The following SLK variants were observed in gnomAD, a reference collection of about 807,000 sequenced individuals.
The protein encoded by SLK is STE20 like kinase, also known as STE20-like serine/threonine-protein kinase.
Under a neutral mutation model 147.7 loss-of-function variants are expected in SLK, and 67 were observed. The ratio of observed to expected loss-of-function variants is 0.45; its 90% CI spans 0.37 to 0.56. The LOEUF (loss-of-function observed/expected upper bound fraction) is 0.56. Among genes scored for constraint, SLK ranks in the 20% least tolerant of loss-of-function variants. SLK has a pLI of 0.00. For synonymous variants in SLK, 441 were observed against 475.0 expected (o/e 0.93, Z 0.93); for missense variants, 1,136 against 1,438.8 (o/e 0.79, Z 3.41).
chr10:104,009,852 T>G (rs2134512044), intron 12 of SLK, among the ~76,000 whole-genome samples: 1 of 152,124 alleles, frequency 6.6e-6, no homozygotes, highest in East Asian at 1.9e-4. Flanking sequence ...TGATTTGGTT[T>G]CATGAGGGAT....
At chr10:103,983,322 G>A (rs1284329245) in intron 1 of SLK, among the ~76,000 whole-genome samples, 6 of 152,060 alleles carry the variant, frequency 3.9e-5, no homozygotes, top group African/African-American at 1.4e-4. Context: ...CCTTCAGTGC[G>A]GTTTCCTCTC....
At chr10:104,010,554 T>G (rs1462603790) in intron 12 of SLK, among the ~76,000 whole-genome samples, 1 of 152,212 alleles carries the variant, frequency 6.6e-6, no homozygotes, top group African/African-American at 2.4e-5. Flanking sequence ...CTGGTTGTCT[T>G]TGGACCTTTA....
intron 1 of SLK, among the ~76,000 whole-genome samples, chr10:103,973,601 C>A (rs1843822393): frequency 6.6e-6 from 1 of 152,156 alleles, no homozygotes; most frequent in African/African-American, 2.4e-5. Context: ...ATTGAGTCTT[C>A]CCACCTGTGC....
At position 103,967,693 on chromosome 10, in the gene SLK, C is replaced by G. The variant is rs2134432098; in HGVS notation, c.-53C>G. The G allele has an allele frequency of 6.4e-7, 1 of 1,564,572 alleles. No homozygotes were observed. Among genetic ancestry groups the G allele is most frequent in the African/African-American group, 1.4e-5 (1 of 72,836 alleles). ...GGGAGAGCAGGGAAGAGAAACTTTG[C>G]CTTTTATTGTTTTTAGTCCTTAAGT... is the stretch of plus-strand genomic sequence containing the variant. On this transcript the variant is annotated 5_prime_UTR_variant, in exon 1 of 19. Transcript: ENST00000369755.
intron 9 of SLK, among the ~76,000 whole-genome samples, chr10:104,003,870 T>C (rs938660813): frequency 6.6e-6 from 1 of 152,330 alleles, no homozygotes; most frequent in Non-Finnish European, 1.5e-5. Context: ...AATGATGTCT[T>C]TTTAAGCACA....
Position 104,003,240 on chromosome 10 carries a change from G to A in SLK, c.2062G>A (p.Val688Met). 1 of 1,612,384 alleles carries A rather than the reference G, an allele frequency of 6.2e-7. No individual in the cohort carries two copies. The highest frequency in any genetic ancestry group is 1.3e-5 in the African/African-American group (1 of 74,742). ...AGATAAAGAGAAAAAAGAAATTCCAGTGTCAATTAAAAAAGAGCCTGAAGT... is the reference window on the plus strand; with the variant it reads ...AGATAAAGAGAAAAAAGAAATTCCAATGTCAATTAAAAAAGAGCCTGAAGT... Reference protein sequence around the residue: ...QIDKEKKEIPVSIKKEPEVTV... With the variant: ...QIDKEKKEIPMSIKKEPEVTV... The change falls in exon 9 of 19, where the codon GTG becomes ATG. Residue 688 changes from valine (V) to methionine (M), a missense_variant. Val to Met is a conservative substitution (Grantham distance 21). Coordinates refer to ENST00000369755, the MANE Select transcript of SLK (RefSeq NM_014720.4).
intron 12 of SLK, 74 bp from the exon 13 acceptor site, chr10:104,010,742 C>A: frequency 1.1e-6 from 1 of 897,338 alleles, no homozygotes; most frequent in Non-Finnish European, 1.6e-6. Flanking sequence ...TGACTTGTAG[C>A]TTATCTGCTC....
In SLK at chr10:104,002,889, A is replaced by G. The variant is rs1279180989; in HGVS notation, c.1711A>G (p.Ser571Gly). 4 of 1,614,036 alleles carry G rather than the reference A, an allele frequency of 2.5e-6. No homozygotes were observed. Among genetic ancestry groups the G allele is most frequent in the Non-Finnish European group, 3.4e-6 (4 of 1,180,012 alleles). Residue 571 changes from serine to glycine, a missense_variant, in exon 9 of 19, where the codon AGT becomes GGT. Around this residue, in one of 6 missense-constraint regions of SLK, gnomAD observed 516 missense variants for 531.3 expected, o/e 0.97. Transcript: ENST00000369755. ...VDEDSAEDTQ[S>G]NDGKEVVEVG... The stretch of plus-strand genomic sequence containing the variant: ...TGAAGACAGTGCTGAGGATACGCAG[A>G]GTAATGATGGGAAAGAAGTGGTCGA...
At chr10:104,008,469 A>G in intron 12 of SLK, 113 bp downstream of exon 12, 2 of 690,256 alleles carry the variant, frequency 2.9e-6, no homozygotes, top group Non-Finnish European at 4.8e-6. Flanking sequence ...AATAGCACCT[A>G]TTCATTCTTT....
Position 104,003,193 on chromosome 10 carries a change from C to T in SLK, c.2015C>T (p.Ala672Val). 6.2e-7 allele frequency: 1 copy of T among 1,613,796 alleles called. No homozygotes were observed. The highest frequency in any genetic ancestry group is 8.5e-7 in the Non-Finnish European group (1 of 1,179,878). ...QKALGSEVQD[A>V]SKVTTQIDKE... ...GCTTTAGGAAGTGAAGTTCAGGATGCTTCTAAAGTCACTACTCAGATAGAT... is the reference window on the plus strand; with the variant it reads ...GCTTTAGGAAGTGAAGTTCAGGATGTTTCTAAAGTCACTACTCAGATAGAT... The change falls in exon 9 of 19, where the codon GCT becomes GTT. Residue 672 changes from alanine (A) to valine (V), a missense_variant. Coordinates refer to ENST00000369755, the MANE Select transcript of SLK (RefSeq NM_014720.4).
In SLK at chr10:104,025,736, T is replaced by C; in HGVS notation, c.*16T>C. The C allele has an allele frequency of 6.2e-7, 1 of 1,612,678 alleles. No individual in the cohort carries two copies. Among genetic ancestry groups the C allele is most frequent in the Non-Finnish European group, 8.5e-7 (1 of 1,179,022 alleles). ...CGGATCATAACAAAGGGAAGCATTC[T>C]GTGCGTGGGTTTGGCTCTTTCAGTA... On this transcript the variant is annotated 3_prime_UTR_variant, in exon 19 of 19. Coordinates refer to ENST00000369755, the MANE Select transcript of SLK (RefSeq NM_014720.4).
At chr10:104,019,996 CCTTT>C (rs1384385591) in intron 16 of SLK, 74 bp downstream of exon 16, 1 of 1,223,172 alleles carries the variant, frequency 8.2e-7, no homozygotes, top group Non-Finnish European at 1.2e-6. Flanking sequence ...CTACAAAATT[CCTTT>C]CTTTCTAAAC....
chr10:103,969,957 G>A (rs1843771361), intron 1 of SLK, among the ~76,000 whole-genome samples: 2 of 152,200 alleles, frequency 1.3e-5, no homozygotes, highest in Admixed American at 6.5e-5. Flanking sequence ...TTTTCATGGT[G>A]TAAATAAGTT....
At chr10:104,022,904 G>A (rs561355190) in intron 18 of SLK, among the ~76,000 whole-genome samples, 14 of 152,158 alleles carry the variant, frequency 9.2e-5, no homozygotes, top group African/African-American at 3.1e-4. Flanking sequence ...CACCATGCCC[G>A]GCCCATAGTG....
At chr10:103,991,120 A>G (rs1185741573) in intron 2 of SLK, among the ~76,000 whole-genome samples, 1 of 152,190 alleles carries the variant, frequency 6.6e-6, no homozygotes, top group Non-Finnish European at 1.5e-5. Context: ...ATTTCCTAAA[A>G]TATGAAATTA....
intron 8 of SLK, 42 bp downstream of exon 8, chr10:104,001,614 C>T (rs982449264): frequency 5.6e-6 from 9 of 1,606,862 alleles, no homozygotes; most frequent in East Asian, 2.2e-5. Flanking sequence ...GAATAGAGTT[C>T]GGTTTTGAGG....
intron 3 of SLK, 131 bp downstream of exon 3, chr10:103,992,777 T>TAAGTAACGAATAAAG (rs1844117819): frequency 5.1e-6 from 1 of 195,598 alleles, no homozygotes; most frequent in Non-Finnish European, 8.6e-6. Context: ...CTCAAGTATG[T>TAAGTAACGAATAAAG]TTTTATATTC....
At chr10:103,976,077 A>G (rs1241851650) in intron 1 of SLK, among the ~76,000 whole-genome samples, 1 of 151,950 alleles carries the variant, frequency 6.6e-6, no homozygotes, top group Middle Eastern at 3.2e-3. Context: ...TAATTTTTAT[A>G]TTTTTTGTAG....
At chr10:103,986,678 T>TG (rs909609551) in intron 1 of SLK, among the ~76,000 whole-genome samples, 24 of 141,262 alleles carry the variant, frequency 1.7e-4, no homozygotes, top group African/African-American at 5.6e-4. Context: ...GTTTTTTTTT[T>TG]TTTTTTTTTT....
Sources: gnomAD v4.1 joint callset for allele counts (sites outside exome capture counted in the v4.1 genomes callset) on GRCh38, gnomAD v4.1.1 for gene constraint, gnomAD v4.1.1 regional missense constraint, MANE v1.5 for transcripts, NCBI Gene and HGNC (gene_info 2026-07-23, HGNC 2026-07-21) for gene names.